PARVB: variants seen among roughly 807,000 people sequenced by gnomAD.
The protein encoded by PARVB is parvin beta, also known as beta-parvin.
Under a neutral mutation model 47.0 loss-of-function variants are expected in PARVB, and 46 were observed. That is an observed-to-expected ratio of 0.98 (90% CI 0.77 to 1.25). The LOEUF (loss-of-function observed/expected upper bound fraction) is 1.25, where lower values mean the gene tolerates loss of function less well. PARVB is among the 50% of genes most tolerant of loss of function. The pLI is 0.00. For missense variants in PARVB, 473 were observed against 471.6 expected, an observed-to-expected ratio of 1.00 and a Z score of -0.03; for synonymous variants, 196 against 196.3, an observed-to-expected ratio of 1.00 and a Z score of 0.01.
intron 1 of PARVB, among the ~76,000 whole-genome samples, chr22:44,054,755 G>A (rs1019071089): frequency 3.5e-5 from 5 of 143,566 alleles, no homozygotes; most frequent in African/African-American, 7.9e-5. Context: ...TTGGGAAGTC[G>A]AGGTGGGCAG....
chr22:44,084,582 T>G (rs751163357), intron 1 of PARVB, among the ~76,000 whole-genome samples: 1 of 152,216 alleles, frequency 6.6e-6, no homozygotes. Context: ...CTTGGTTCTT[T>G]CCGCTGCGTT....
At chr22:44,136,432 T>G in intron 6 of PARVB, 28 bp from the exon 7 acceptor site, 2 of 1,607,454 alleles carry the variant, frequency 1.2e-6, no homozygotes, top group Non-Finnish European at 1.7e-6. Context: ...CACTGCCTGA[T>G]TTTGTATGTT....
At chr22:44,001,860 C>T (rs2050416067) in intron 2 of PARVB, among the ~76,000 whole-genome samples, 1 of 152,218 alleles carries the variant, frequency 6.6e-6, no homozygotes, top group East Asian at 1.9e-4. Context: ...TGGACCCAAT[C>T]ACCCAGGGCT....
intron 1 of PARVB, among the ~76,000 whole-genome samples, chr22:44,043,140 A>T (rs1024737834): frequency 3.7e-4 from 56 of 152,328 alleles, no homozygotes; most frequent in African/African-American, 1.2e-3. Context: ...CAGTGAGGGA[A>T]GCCATTTGCA....
intron 1 of PARVB, among the ~76,000 whole-genome samples, chr22:44,047,967 A>G (rs904486301): frequency 6.6e-6 from 1 of 152,084 alleles, no homozygotes; most frequent in Non-Finnish European, 1.5e-5. Flanking sequence ...GTGGGGCTGG[A>G]TGGTGTGGGA....
intron 2 of PARVB, among the ~76,000 whole-genome samples, chr22:44,097,267 G>A (rs2052330667): frequency 6.6e-6 from 1 of 152,218 alleles, no homozygotes; most frequent in South Asian, 2.1e-4. Flanking sequence ...GGCAGTGAGG[G>A]TTCCTGGCCA....
intron 4 of PARVB, among the ~76,000 whole-genome samples, chr22:44,122,512 GAGAGAGAC>G (rs1569134207): frequency 2.2e-5 from 2 of 91,202 alleles, no homozygotes; most frequent in African/African-American, 1.3e-4. Context: ...GAGAGAGAGA[GAGAGAGAC>G]AGAGAGACAG....
rs34429203 is a variant in PARVB, at chr22:44,034,706, CTTTTT to C, written c.112+10273_112+10277del. On this transcript the variant is annotated intron_variant, in intron 1 of 12. Coordinates refer to ENST00000338758, the MANE Select transcript of PARVB (RefSeq NM_013327.5). ...CATGCAGTCAGAAATCCACGTGTAA[CTTTTT>C]TTTTTTTTTTTTTTTTTGAGACGGA... Among the ~76,000 whole-genome samples, 626 of 107,574 alleles carry C rather than the reference CTTTTT, an allele frequency of 5.8e-3. 6 individuals carry two copies. The highest frequency in any genetic ancestry group is 0.019 in the African/African-American group (594 of 30,762). 70.6% of individuals were successfully genotyped at this position (107,574 alleles called of 152,430 possible).
chr22:44,132,242 T>C (rs2053343850), intron 5 of PARVB, among the ~76,000 whole-genome samples: 2 of 152,194 alleles, frequency 1.3e-5, no homozygotes, highest in Admixed American at 1.3e-4. Flanking sequence ...CCCTGGAGCC[T>C]GGCCTTGCAC....
chr22:44,168,380 C>T, intron 12 of PARVB: 1 of 522,342 alleles, frequency 1.9e-6, no homozygotes, highest in African/African-American at 1.9e-5. Context: ...AGGTGCCTGT[C>T]CCCGCAGGGT....
chr22:44,123,573 A>G (rs116354828), intron 4 of PARVB, among the ~76,000 whole-genome samples: 5 of 152,094 alleles, frequency 3.3e-5, no homozygotes, highest in African/African-American at 9.7e-5. Context: ...GCCACCATGC[A>G]TGACTTATTT....
At chr22:44,137,971 C>G (rs890881938) in intron 7 of PARVB, among the ~76,000 whole-genome samples, 1 of 152,152 alleles carries the variant, frequency 6.6e-6, no homozygotes, top group African/African-American at 2.4e-5. Flanking sequence ...AGGAGTTCCC[C>G]TCTAGGTGAG....
intron 2 of PARVB, among the ~76,000 whole-genome samples, chr22:44,097,490 A>G (rs1384233771): frequency 6.6e-6 from 1 of 152,224 alleles, no homozygotes; most frequent in Non-Finnish European, 1.5e-5. Context: ...GAATGCTGAC[A>G]GGCAGCAAGG....
chr22:44,030,541 G>A (rs887434307), intron 1 of PARVB, among the ~76,000 whole-genome samples: 2 of 152,086 alleles, frequency 1.3e-5, no homozygotes, highest in Non-Finnish European at 2.9e-5. Context: ...AGGGGTGGCC[G>A]ATTTCAGTGG....
At chr22:44,022,730 CTTTTTTTTTATTTTTTAT>C (rs1569055791), upstream of PARVB, among the ~76,000 whole-genome samples, 1 of 146,630 alleles carries the variant, frequency 6.8e-6, no homozygotes, top group Non-Finnish European at 1.5e-5. Context: ...CCTCCTACTT[CTTTTTTTTTATTTTTTAT>C]TTTTTTTTTA....
In PARVB at chr22:44,041,886, A is replaced by AAAAT. The variant is rs899644937; in HGVS notation, c.112+17453_112+17456dup. On this transcript the variant is annotated intron_variant, in intron 1 of 12. Transcript: ENST00000338758. ...GGTGACAGAGCGAGACCCTGCCTCA[A>AAAAT]AAATAAATAAATAAATAAATACATA... 7.6e-4 allele frequency among the ~76,000 whole-genome samples: 115 copies of AAAAT among 152,170 alleles called. 1 individual carries two copies. Among genetic ancestry groups the AAAAT allele is most frequent in the East Asian group, 7.7e-4 (4 of 5,162 alleles).
chr22:44,168,497 T>A, intron 12 of PARVB, 105 bp from the exon 13 acceptor site: 1 of 775,262 alleles, frequency 1.3e-6, no homozygotes, highest in South Asian at 1.5e-5. Flanking sequence ...GCGCTGTGTG[T>A]GGATGCGGCA....
intron 1 of PARVB, among the ~76,000 whole-genome samples, chr22:44,079,106 A>G (rs1337329293): frequency 6.6e-6 from 1 of 152,224 alleles, no homozygotes; most frequent in Non-Finnish European, 1.5e-5. Flanking sequence ...TCATGAATTC[A>G]CTGAGCACTC....
chr22:44,131,043 C>A (rs1468250915), intron 4 of PARVB, among the ~76,000 whole-genome samples: 1 of 106,030 alleles, frequency 9.4e-6, no homozygotes, highest in Admixed American at 9.2e-5. Context: ...CTTCCTCCCT[C>A]CCTCCCTCCC....
Sources: gnomAD v4.1 joint callset for allele counts (sites outside exome capture counted in the v4.1 genomes callset) on GRCh38, gnomAD v4.1.1 for gene constraint, MANE v1.5 for transcripts, NCBI Gene and HGNC (gene_info 2026-07-23, HGNC 2026-07-21) for gene names.